The following DUOX1 variants were observed in gnomAD, a reference collection of about 807,000 sequenced individuals.
DUOX1 encodes NADPH thyroid oxidase 1.
A neutral mutation model predicts 181.8 loss-of-function variants in DUOX1; 134 were observed. That is an observed-to-expected ratio of 0.74 (90% CI 0.64 to 0.85). DUOX1 has a LOEUF of 0.85. Among genes scored for constraint, DUOX1 ranks in the 40% least tolerant of loss-of-function variants. The pLI is 0.00. For missense variants in DUOX1, 1,814 were observed against 2,064.4 expected (o/e 0.88, Z 2.35); for synonymous variants, 798 against 832.5 (o/e 0.96, Z 0.71).
chr15:45,130,894 C>A (rs1896112490), intron 1 of DUOX1, among the ~76,000 whole-genome samples: 1 of 152,252 alleles, frequency 6.6e-6, no homozygotes, highest in Admixed American at 6.5e-5. Context: ...AGCTTTACAG[C>A]TTCAACCATC....
chr15:45,151,828 T>C lies in DUOX1; in HGVS notation c.3015-46T>C, dbSNP rs755436250. 5.7e-6 allele frequency: 9 copies of C among 1,572,158 alleles called. No homozygotes were observed. In the South Asian group the frequency reaches 1.0e-4, roughly 18 times the overall value. On this transcript the variant is annotated intron_variant, in intron 23 of 33. Coordinates refer to ENST00000389037, the MANE Select transcript of DUOX1 (RefSeq NM_175940.3). Reference sequence around the variant, plus strand: ...CCGTGAAGTGGGGCCCCACTAGCGTTGGGTCCCATGGTGGGTGCCAAAGGC... The same window carrying C: ...CCGTGAAGTGGGGCCCCACTAGCGTCGGGTCCCATGGTGGGTGCCAAAGGC...
In DUOX1 at chr15:45,152,483, C is replaced by G; in HGVS notation, c.3391C>G (p.Arg1131Gly). 4 of 1,614,112 alleles carry G rather than the reference C, an allele frequency of 2.5e-6. No homozygotes were observed. Among genetic ancestry groups the G allele is most frequent in the South Asian group, 1.1e-5 (1 of 91,078 alleles). ...VPFDAAVDFHRLIASTAIVLT... is the reference protein window; with the variant it reads ...VPFDAAVDFHGLIASTAIVLT... Reference sequence around the variant, plus strand: ...CTTCGACGCCGCCGTGGACTTCCATCGCCTCATTGCCTCCACCGCCATCGT... The same window carrying G: ...CTTCGACGCCGCCGTGGACTTCCATGGCCTCATTGCCTCCACCGCCATCGT... The change falls in exon 25 of 34, where the codon CGC becomes GGC. Residue 1131 changes from arginine to glycine, a missense_variant. By Grantham distance (125) the Arg-to-Gly change is moderately radical (BLOSUM62 -2). Coordinates refer to ENST00000389037, the MANE Select transcript of DUOX1 (RefSeq NM_175940.3).
chr15:45,162,744 G>C (rs572898098), intron 31 of DUOX1, among the ~76,000 whole-genome samples: 2 of 152,268 alleles, frequency 1.3e-5, no homozygotes, highest in Non-Finnish European at 2.9e-5. Flanking sequence ...GGCTGGGAGA[G>C]GGAAGGGCAT....
At chr15:45,160,683 T>TGCTATGGC (rs1897076827) in intron 28 of DUOX1, among the ~76,000 whole-genome samples, 154 bp from the exon 29 acceptor site, 1 of 152,034 alleles carries the variant, frequency 6.6e-6, no homozygotes, top group African/African-American at 2.4e-5. Flanking sequence ...GAGTTGGGAA[T>TGCTATGGC]GGTGAGGTTT....
At chr15:45,137,596 A>G (rs1363123959) in intron 9 of DUOX1, among the ~76,000 whole-genome samples, 2 of 152,266 alleles carry the variant, frequency 1.3e-5, no homozygotes, top group East Asian at 3.9e-4. Flanking sequence ...TGAATCCTTT[A>G]AATAGGTATA....
chr15:45,155,569 C>CA (rs747495934), intron 27 of DUOX1: 69,359 of 306,524 alleles, frequency 0.23, 5,701 homozygotes, highest in African/African-American at 0.47. Context: ...GACTCCATCT[C>CA]AAAAAAAAAA....
chr15:45,136,605 G>GC lies in DUOX1; in HGVS notation c.1007dup (p.Gly337TrpfsTer35). 3 of 1,614,016 alleles carry GC rather than the reference G, an allele frequency of 1.9e-6. No individual in the cohort carries two copies. The highest frequency in any genetic ancestry group is 2.5e-6 in the Non-Finnish European group (3 of 1,180,006). ...CTGAGCAGTTCCTGTCCACCATGGT[G>GC]CCCCCTGGCGTCTACATGAGGTGAG... On this transcript the variant is annotated frameshift_variant, in exon 9 of 34. Transcript: ENST00000389037. LOFTEE classifies it high-confidence loss of function.
intron 13 of DUOX1, 98 bp from the exon 14 acceptor site, chr15:45,141,194 C>A (rs1016410689): frequency 3.2e-6 from 5 of 1,560,520 alleles, no homozygotes; most frequent in Non-Finnish European, 3.5e-6. Flanking sequence ...CTTCCCAACA[C>A]CTCTGGGTCT....
rs1410029976 is a variant in DUOX1, at chr15:45,151,251, A to G, written c.3014+3A>G. 6.2e-7 allele frequency: 1 copy of G among 1,613,526 alleles called. No homozygotes were observed. The highest frequency in any genetic ancestry group is 8.5e-7 in the Non-Finnish European group (1 of 1,179,750). On this transcript the variant is annotated splice_donor_region_variant and intron_variant, in intron 23 of 33. Transcript: ENST00000389037. ...ATTCGGCGGAGGTTTGGCAAGAAGT[A>G]TGTCTGCTCTTCCCCTTAAGCCCAG...
intron 19 of DUOX1, 28 bp from the exon 20 acceptor site, chr15:45,147,876 T>C (rs201249213): frequency 1.3e-4 from 208 of 1,597,216 alleles, no homozygotes; most frequent in Non-Finnish European, 9.4e-6. Flanking sequence ...AGGCGGGGGC[T>C]CTCCTTATGG....
intron 4 of DUOX1, among the ~76,000 whole-genome samples, chr15:45,134,571 C>T (rs1026575530): frequency 1.3e-5 from 2 of 151,998 alleles, no homozygotes; most frequent in African/African-American, 4.8e-5. Flanking sequence ...CATCCCTCCT[C>T]GTTGGGTTGT....
At chr15:45,144,266 C>A in intron 17 of DUOX1, 31 bp downstream of exon 17, 1 of 1,611,786 alleles carries the variant, frequency 6.2e-7, no homozygotes, top group South Asian at 1.1e-5. Context: ...GGCTCCTTGT[C>A]CACAGCCAAG....
Position 45,135,112 on chromosome 15 carries a change from G to A in DUOX1, c.316G>A (p.Val106Met), listed in dbSNP as rs1008982540. 4 of 1,613,610 alleles carry A rather than the reference G, an allele frequency of 2.5e-6. No homozygotes were observed. The highest frequency in any genetic ancestry group is 3.4e-6 in the Non-Finnish European group (4 of 1,179,852). ...TVLGVFFGYH[V>M]LSDLVSVETP... is the part of the protein sequence containing the mutation. ...TCCTGCACTGCCCGCAGGCTATCACGTGCTTTCAGACCTGGTGAGCGTGGA... is the reference window on the plus strand; with the variant it reads ...TCCTGCACTGCCCGCAGGCTATCACATGCTTTCAGACCTGGTGAGCGTGGA... Residue 106 changes from valine to methionine, a missense_variant, in exon 5 of 34, where the codon GTG becomes ATG. Val to Met is a conservative substitution (Grantham distance 21). This residue lies in a region of DUOX1 where 320 missense variants were observed against 313.1 expected (regional missense o/e 1.02). Transcript: ENST00000389037.
chr15:45,133,930 A>C lies in DUOX1; in HGVS notation c.125A>C (p.His42Pro), dbSNP rs1389146979. The change falls in exon 3 of 34, where the codon CAC (histidine) becomes CCC (proline). Residue 42 changes from histidine (H) to proline (P), a missense_variant. Around this residue, in one of 5 missense-constraint regions of DUOX1, gnomAD observed 320 missense variants for 313.1 expected, o/e 1.02. Coordinates refer to ENST00000389037, the MANE Select transcript of DUOX1 (RefSeq NM_175940.3). Reference sequence around the variant, plus strand: ...GGGTGGTACAACAACCTCATGGAGCACAGATGGGGCAGCAAAGGTAAGTGA... The same window carrying C: ...GGGTGGTACAACAACCTCATGGAGCCCAGATGGGGCAGCAAAGGTAAGTGA... Reference protein sequence around the residue: ...FDGWYNNLMEHRWGSKGSRLQ... With the variant: ...FDGWYNNLMEPRWGSKGSRLQ... 1 of 1,614,036 alleles carries C rather than the reference A, an allele frequency of 6.2e-7. No individual in the cohort carries two copies. The highest frequency in any genetic ancestry group is 8.5e-7 in the Non-Finnish European group (1 of 1,179,960).
At chr15:45,145,153 C>A in intron 18 of DUOX1, 73 bp downstream of exon 18, 1 of 1,358,838 alleles carries the variant, frequency 7.4e-7, no homozygotes. Flanking sequence ...TGGGGTGACT[C>A]GAGGGGAAGT....
At chr15:45,164,354 C>A (rs936470025) in intron 33 of DUOX1, among the ~76,000 whole-genome samples, 1 of 152,172 alleles carries the variant, frequency 6.6e-6, no homozygotes, top group African/African-American at 2.4e-5. Flanking sequence ...ATTAACCCAA[C>A]CTCTATTAGA....
At position 45,165,241 on chromosome 15, in the gene DUOX1, CTG is replaced by C. The variant is rs1897200316; in HGVS notation, c.*342_*343del. The C allele has an allele frequency of 9.5e-6, 3 of 317,116 alleles. No individual in the cohort carries two copies. Among genetic ancestry groups the C allele is most frequent in the African/African-American group, 6.4e-5 (3 of 47,010 alleles). The allele number at this position is 317,116 out of a possible 1,614,324, so 19.6% of individuals were successfully genotyped here. ...TGACAAGTACTATGTGTGTGCATGT[CTG>C]TATGTGTGTTGGGGCGGTGAGTGTA... is the stretch of plus-strand genomic sequence containing the variant. On this transcript the variant is annotated 3_prime_UTR_variant, in exon 34 of 34. Transcript: ENST00000389037.
At position 45,165,344 on chromosome 15, in the gene DUOX1, C is replaced by A; in HGVS notation, c.*443C>A. 1 of 161,116 alleles carries A rather than the reference C, an allele frequency of 6.2e-6. No individual in the cohort carries two copies. 10.0% of individuals were successfully genotyped at this position (161,116 alleles called of 1,614,324 possible). A position where few individuals can be genotyped will look rare whatever the true frequency, so the allele number is the denominator to read the frequency against. ...CATACCTCCTCCTCTTCTGGGCTCCCCACTGTCAGACGGGCTGGCAAATGC... is the reference window on the plus strand; with the variant it reads ...CATACCTCCTCCTCTTCTGGGCTCCACACTGTCAGACGGGCTGGCAAATGC... On this transcript the variant is annotated 3_prime_UTR_variant, in exon 34 of 34. Coordinates refer to ENST00000389037, the MANE Select transcript of DUOX1 (RefSeq NM_175940.3).
chr15:45,149,429 A>T (rs1004933245), intron 21 of DUOX1, among the ~76,000 whole-genome samples: 1 of 152,230 alleles, frequency 6.6e-6, no homozygotes, highest in Non-Finnish European at 1.5e-5. Context: ...AGTCCCAGGG[A>T]CATCCAACAC....
Sources: gnomAD v4.1 joint callset for allele counts (sites outside exome capture counted in the v4.1 genomes callset) on GRCh38, gnomAD v4.1.1 for gene constraint, gnomAD v4.1.1 regional missense constraint, MANE v1.5 for transcripts, NCBI Gene and HGNC (gene_info 2026-07-23, HGNC 2026-07-21) for gene names.